ANKS1B: variants seen among roughly 807,000 people sequenced by gnomAD.
ANKS1B encodes ankyrin repeat and sterile alpha motif domain-containing protein 1B.
A neutral mutation model predicts 148.3 loss-of-function variants in ANKS1B; 36 were observed. That is an observed-to-expected ratio of 0.24 (90% CI 0.19 to 0.32). The LOEUF (loss-of-function observed/expected upper bound fraction) is 0.32. ANKS1B is among the 10% of genes least tolerant of loss of function. The pLI is 1.00. For missense variants in ANKS1B, 1,157 were observed against 1,542.6 expected (o/e 0.75, Z 4.19); for synonymous variants, 542 against 560.8 (o/e 0.97, Z 0.47).
At chr12:99,073,611 A>T (rs1323726599) in intron 16 of ANKS1B, among the ~76,000 whole-genome samples, 2 of 151,766 alleles carry the variant, frequency 1.3e-5, no homozygotes, top group African/African-American at 4.9e-5. Context: ...TTTTTCTTGT[A>T]TTTCTAGAGC....
intron 14 of ANKS1B, among the ~76,000 whole-genome samples, chr12:99,208,191 A>G (rs548218453): frequency 2.2e-4 from 33 of 152,026 alleles, no homozygotes; most frequent in Non-Finnish European, 4.0e-4. Flanking sequence ...TAGGTCTTTG[A>G]TGACTGAGAA....
intron 9 of ANKS1B, among the ~76,000 whole-genome samples, chr12:99,565,257 A>C (rs1265604991): frequency 6.6e-6 from 1 of 152,190 alleles, no homozygotes; most frequent in African/African-American, 2.4e-5. Flanking sequence ...GATGAGCTCC[A>C]AGTCTAAAAT....
chr12:99,454,616 G>A (rs1482906908), intron 10 of ANKS1B, among the ~76,000 whole-genome samples: 3 of 152,208 alleles, frequency 2.0e-5, no homozygotes, highest in Non-Finnish European at 4.4e-5. Context: ...CTCAACCCAT[G>A]GCAGGGAGAT....
intron 11 of ANKS1B, among the ~76,000 whole-genome samples, chr12:99,432,144 T>G (rs2095385577): frequency 6.6e-6 from 1 of 152,200 alleles, no homozygotes; most frequent in African/African-American, 2.4e-5. Flanking sequence ...TGGGCAGATG[T>G]CAACACGATG....
chr12:99,948,322 C>G (rs890842057), intron 1 of ANKS1B, among the ~76,000 whole-genome samples: 3 of 150,244 alleles, frequency 2.0e-5, no homozygotes, highest in African/African-American at 7.4e-5. Flanking sequence ...GTATGCCATC[C>G]TGGCCATAGC....
intron 26 of ANKS1B, 130 bp from the exon 27 acceptor site, chr12:98,745,979 G>T: frequency 1.1e-6 from 1 of 892,440 alleles, no homozygotes; most frequent in Non-Finnish European, 1.6e-6. Context: ...GGTCTAGGCG[G>T]CTCGCGGGCT....
At chr12:99,659,644 TTGTGTGTCTGTG>T (rs2098466491) in intron 8 of ANKS1B, among the ~76,000 whole-genome samples, 1 of 149,574 alleles carries the variant, frequency 6.7e-6, no homozygotes, top group African/African-American at 2.4e-5. Context: ...TCGTGTGTGT[TTGTGTGTCTGTG>T]TGTGTGCATG....
intron 15 of ANKS1B, among the ~76,000 whole-genome samples, chr12:99,139,440 T>TTCCTTC (rs201769650): frequency 0.01 from 48 of 4,732 alleles, 16 homozygotes; most frequent in Admixed American, 0.014. Flanking sequence ...CTTTCTTTCT[T>TTCCTTC]TTTCTTTCTT....
chr12:99,277,397 A>G (rs1271138646), intron 12 of ANKS1B, among the ~76,000 whole-genome samples: 1 of 152,226 alleles, frequency 6.6e-6, no homozygotes, highest in Non-Finnish European at 1.5e-5. Flanking sequence ...TTGGTGCCAC[A>G]TCGAAAAATG....
rs975002155 is a variant in ANKS1B at position 99,984,931 on chromosome 12, C to A, written c.-694G>T. ...CCCTGGTGCGGCCCGAGTTGGGTGG[C>A]GGGCTGGCGGGGAGGGGCCGGGCCG... On this transcript the variant is annotated 5_prime_UTR_variant, in exon 1 of 27. Transcript: ENST00000683438. Among the ~76,000 whole-genome samples, 2 of 150,688 alleles carry A rather than the reference C, an allele frequency of 1.3e-5. No individual in the cohort carries two copies. Among genetic ancestry groups the A allele is most frequent in the Non-Finnish European group, 3.0e-5 (2 of 67,580 alleles).
intron 8 of ANKS1B, among the ~76,000 whole-genome samples, chr12:99,764,020 C>A (rs780452741): frequency 6.6e-6 from 1 of 152,160 alleles, no homozygotes; most frequent in African/African-American, 2.4e-5. Flanking sequence ...TGAAAAATCA[C>A]CCAACAGGGG....
intron 8 of ANKS1B, among the ~76,000 whole-genome samples, chr12:99,741,208 C>CACACACACACACACAT (rs1311744671): frequency 2.3e-5 from 2 of 85,638 alleles, no homozygotes; most frequent in Non-Finnish European, 6.3e-5. Flanking sequence ...CTCCGTCAAA[C>CACACACACACACACAT]ACACACACAC....
At chr12:98,972,283 G>GA (rs1325052764) in intron 17 of ANKS1B, among the ~76,000 whole-genome samples, 1 of 152,232 alleles carries the variant, frequency 6.6e-6, no homozygotes, top group African/African-American at 2.4e-5. Flanking sequence ...AATGTTGGAA[G>GA]AAAAATCTCA....
At chr12:99,085,678 C>T (rs1022295725) in intron 15 of ANKS1B, among the ~76,000 whole-genome samples, 5 of 152,170 alleles carry the variant, frequency 3.3e-5, no homozygotes, top group Non-Finnish European at 7.3e-5. Flanking sequence ...GAATACTGTG[C>T]AGCCATAGAA....
At chr12:99,718,062 C>G (rs535319622) in intron 8 of ANKS1B, among the ~76,000 whole-genome samples, 1,946 of 151,778 alleles carry the variant, frequency 0.013, 24 homozygotes, top group Non-Finnish European at 0.019. Flanking sequence ...CGCTACCACG[C>G]CCGGCTAATT....
chr12:98,742,891 T>C (rs2097812776), downstream of ANKS1B, among the ~76,000 whole-genome samples: 1 of 152,262 alleles, frequency 6.6e-6, no homozygotes, highest in Non-Finnish European at 1.5e-5. Flanking sequence ...TTGCTGCATG[T>C]AGACTCTGTG....
rs139886130 is a variant in ANKS1B at position 99,964,143 on chromosome 12, G to A, written c.134+19961C>T. Reference sequence around the variant, plus strand: ...TATACATGAAAAAAAGCCCATTAAAGAATGCAAAGTGCTGACCAGCCTATC... The same window carrying A: ...TATACATGAAAAAAAGCCCATTAAAAAATGCAAAGTGCTGACCAGCCTATC... On this transcript the variant is annotated intron_variant, in intron 1 of 26. Transcript: ENST00000683438. Among the ~76,000 whole-genome samples the A allele has an allele frequency of 8.3e-3, 1,271 of 152,248 alleles. 21 individuals carry two copies. Among genetic ancestry groups the A allele is most frequent in the African/African-American group, 0.029 (1,207 of 41,550 alleles).
chr12:98,818,042 C>T (rs1388223355), intron 19 of ANKS1B, among the ~76,000 whole-genome samples: 1 of 152,170 alleles, frequency 6.6e-6, no homozygotes, highest in African/African-American at 2.4e-5. Flanking sequence ...TCTAAGTCCA[C>T]TGGCATGATA....
chr12:99,466,255 A>G (rs2096111366), intron 10 of ANKS1B, among the ~76,000 whole-genome samples: 1 of 152,254 alleles, frequency 6.6e-6, no homozygotes, highest in Admixed American at 6.5e-5. Context: ...ACAAAGACAC[A>G]ACATACCAGA....
Sources: allele counts gnomAD v4.1 joint callset (sites outside exome capture counted in the v4.1 genomes callset), GRCh38; gene constraint gnomAD v4.1.1; transcripts MANE v1.5; gene names NCBI Gene and HGNC (gene_info 2026-07-23, HGNC 2026-07-21).